REXO1: variants seen among roughly 807,000 people sequenced by gnomAD.
REXO1 encodes the protein REX1, RNA exonuclease 1 homolog.
Under a neutral mutation model 102.6 loss-of-function variants are expected in REXO1, and 42 were observed. The observed-to-expected ratio is 0.41, with a 90% CI of 0.32 to 0.53. The LOEUF (loss-of-function observed/expected upper bound fraction) is 0.53. Ranked by LOEUF, REXO1 falls within the 20% of genes least tolerant of loss-of-function variation. REXO1 has a pLI of 0.27. For synonymous variants in REXO1, 908 were observed against 779.1 expected, an observed-to-expected ratio of 1.17 and a Z score of -2.76; for missense variants, 1,819 against 1,732.5, an observed-to-expected ratio of 1.05 and a Z score of -0.89.
rs780508756 is a variant in REXO1 at position 1,817,725 on chromosome 19, G to A, written c.3072C>T (p.Val1024=). The A allele has an allele frequency of 8.7e-5, 141 of 1,612,220 alleles. No homozygotes were observed. The highest frequency in any genetic ancestry group is 1.6e-4 in the Middle Eastern group (1 of 6,068). The change falls in exon 11 of 16, where the codon GTC becomes GTT. Residue 1024 remains valine, a synonymous_variant. Transcript: ENST00000170168. ...GGCTCACCTTTGCGACTTGGCAGCCGACAGAGCCGGCGGCAGCCGAGCAGC... is the reference window on the plus strand; with the variant it reads ...GGCTCACCTTTGCGACTTGGCAGCCAACAGAGCCGGCGGCAGCCGAGCAGC... The part of the protein sequence containing the change: ...YMCCSAAAGS[V]GCQVAKQHVQ...
chr19:1,820,281 G>C lies in REXO1; in HGVS notation c.2509C>G (p.Gln837Glu), dbSNP rs372632094. The change falls in exon 6 of 16, where the codon CAG becomes GAG. Residue 837 changes from glutamine (Q) to glutamate (E), a missense_variant. Coordinates refer to ENST00000170168, the MANE Select transcript of REXO1 (RefSeq NM_020695.4). Reference sequence around the variant, plus strand: ...GACCTCACCTTCTCTATGGCCTCCTGGTTGGAGGTACAGAACTTGAGACAC... The same window carrying C: ...GACCTCACCTTCTCTATGGCCTCCTCGTTGGAGGTACAGAACTTGAGACAC... ...EECLKFCTSN[Q>E]EAIEKALNEE... 7 of 1,613,562 alleles carry C rather than the reference G, an allele frequency of 4.3e-6. No individual in the cohort carries two copies. The African/African-American group carries it at 8.0e-5, about 18-fold the overall frequency.
At chr19:1,821,130 G>A (rs1299817454) in intron 5 of REXO1, among the ~76,000 whole-genome samples, 4 of 152,022 alleles carry the variant, frequency 2.6e-5, no homozygotes, top group South Asian at 2.1e-4. Context: ...GGTGGATCAC[G>A]AGGTCAGAAG....
chr19:1,825,761 C>T, intron 3 of REXO1, 78 bp downstream of exon 3: 1 of 1,026,914 alleles, frequency 9.7e-7, no homozygotes, highest in Non-Finnish European at 1.5e-6. Flanking sequence ...CAGGCGTGAG[C>T]CACCAAACCA....
At chr19:1,842,882 C>T (rs1045702104) in intron 1 of REXO1, among the ~76,000 whole-genome samples, 2 of 152,234 alleles carry the variant, frequency 1.3e-5, no homozygotes, top group African/African-American at 2.4e-5. Context: ...CCCAGAGACC[C>T]GTGGCAACAC....
In REXO1 at chr19:1,816,416, G is replaced by C. The variant is rs779404206; in HGVS notation, c.3456+15C>G. On this transcript the variant is annotated intron_variant, in intron 14 of 15. Coordinates refer to ENST00000170168, the MANE Select transcript of REXO1 (RefSeq NM_020695.4). ...CCTGCTGGAGAACCGCGCGGGACCCGGGCCGGCAGGGCACCTTCAGGGCCA... is the reference window on the plus strand; with the variant it reads ...CCTGCTGGAGAACCGCGCGGGACCCCGGCCGGCAGGGCACCTTCAGGGCCA... 1 of 1,608,834 alleles carries C rather than the reference G, an allele frequency of 6.2e-7. No individual in the cohort carries two copies. The highest frequency in any genetic ancestry group is 8.5e-7 in the Non-Finnish European group (1 of 1,178,050).
chr19:1,816,769 G>A lies in REXO1; in HGVS notation c.3246C>T (p.Val1082=), dbSNP rs375799560. 140 of 1,612,706 alleles carry A rather than the reference G, an allele frequency of 8.7e-5. No individual in the cohort carries two copies. The highest frequency in any genetic ancestry group is 1.6e-4 in the Middle Eastern group (1 of 6,082). ...CATAAACCACGTGCACGTCCGTGTC[G>A]ACCACCGTGACGCGCGTCAGCTCCA... ...YGLELTRVTV[V]DTDVHVVYDT... is the part of the protein sequence containing the mutation. The change falls in exon 13 of 16, where the codon GTC becomes GTT. Residue 1082 remains valine (V), a synonymous_variant. Transcript: ENST00000170168.
rs1302186349 is a variant in REXO1, at chr19:1,824,959, G to A, written c.2016+880C>T. ...TGCCACCGCGCCCAGCTAATATTTT[G>A]TATCTTTAGTAGAGACGGGGTTTCA... is the stretch of plus-strand genomic sequence containing the variant. On this transcript the variant is annotated intron_variant, in intron 3 of 15. Transcript: ENST00000170168. 2.7e-5 allele frequency among the ~76,000 whole-genome samples: 4 copies of A among 150,914 alleles called. No individual in the cohort carries two copies. In the East Asian group the frequency reaches 8.1e-4, roughly 31 times the overall value.
rs776149493 is a variant in REXO1 at position 1,819,971 on chromosome 19, G to A, written c.2613C>T (p.Leu871=). ...LNVAVNTLKK[L]RGLAPSAVPG... is the part of the protein sequence containing the mutation. ...GCACAGCGCTGGGGGCCAGGCCCCT[G>A]AGCTTCTTGAGGGTGTTCACGGCCA... Residue 871 remains leucine, a synonymous_variant, in exon 7 of 16, where the codon CTC becomes CTT. Coordinates refer to ENST00000170168, the MANE Select transcript of REXO1 (RefSeq NM_020695.4). 7 of 1,592,348 alleles carry A rather than the reference G, an allele frequency of 4.4e-6. No homozygotes were observed. Among genetic ancestry groups the A allele is most frequent in the Non-Finnish European group, 6.0e-6 (7 of 1,172,764 alleles).
chr19:1,825,856 A>G lies in REXO1; in HGVS notation c.1999T>C (p.Ser667Pro), dbSNP rs763406116. 2 of 1,611,846 alleles carry G rather than the reference A, an allele frequency of 1.2e-6. No individual in the cohort carries two copies. Among genetic ancestry groups the G allele is most frequent in the Non-Finnish European group, 1.7e-6 (2 of 1,178,994 alleles). Residue 667 changes from serine (S) to proline (P), a missense_variant, in exon 3 of 16, where the codon TCC becomes CCC. Coordinates refer to ENST00000170168, the MANE Select transcript of REXO1 (RefSeq NM_020695.4). The part of the protein sequence containing the change: ...PGQKRRISHL[S>P]KQGQEVEPPR... ...GACCTTACCTCCTGGCCTTGCTTGG[A>G]AAGGTGGGAGATCCTCCTCTTCTGC...
At chr19:1,829,802 C>T (rs1266662052) in intron 1 of REXO1, among the ~76,000 whole-genome samples, 2 of 152,172 alleles carry the variant, frequency 1.3e-5, no homozygotes, top group East Asian at 1.9e-4. Context: ...GAGTGAAACC[C>T]CGTCTCAACA....
chr19:1,846,623 T>TCA (rs1254434894), intron 1 of REXO1, among the ~76,000 whole-genome samples: 1 of 152,292 alleles, frequency 6.6e-6, no homozygotes, highest in African/African-American at 2.4e-5. Context: ...GTGCAGTAGC[T>TCA]CACACCTGTA....
At position 1,825,829 on chromosome 19, in the gene REXO1, C is replaced by T. The variant is rs778620304; in HGVS notation, c.2016+10G>A. On this transcript the variant is annotated intron_variant, in intron 3 of 15. Transcript: ENST00000170168. ...AAGGCTCCTGCTGGCCTGGCCTCTG[C>T]GGACCTTACCTCCTGGCCTTGCTTG... is the stretch of plus-strand genomic sequence containing the variant. 2.4e-5 allele frequency: 38 copies of T among 1,565,084 alleles called. No individual in the cohort carries two copies. The highest frequency in any genetic ancestry group is 2.2e-4 in the Admixed American group (13 of 59,794).
intron 1 of REXO1, among the ~76,000 whole-genome samples, chr19:1,846,650 A>G (rs1009379612): frequency 2.0e-5 from 3 of 152,180 alleles, no homozygotes; most frequent in African/African-American, 2.4e-5. Flanking sequence ...GCACTTTGGG[A>G]GGCCGAAGCA....
At chr19:1,817,826 C>G in intron 10 of REXO1, 46 bp from the exon 11 acceptor site, 1 of 1,531,272 alleles carries the variant, frequency 6.5e-7, no homozygotes, top group Non-Finnish European at 9.0e-7. Context: ...CAGGCCCACT[C>G]CACAGCCCCC....
At position 1,823,723 on chromosome 19, in the gene REXO1, C is replaced by A; in HGVS notation, c.2079G>T (p.Val693=). Residue 693 remains valine (V), a synonymous_variant, in exon 4 of 16, where the codon GTG becomes GTT. Transcript: ENST00000170168. The part of the protein sequence containing the change: ...PPARPPTAQE[V]CYLRAQQAQR... The stretch of plus-strand genomic sequence containing the variant: ...GCGCCTGCTGGGCCCGCAGGTAGCA[C>A]ACCTCCTGCGCCGTCGGGGGCCGGG... 1.6e-6 allele frequency: 2 copies of A among 1,271,568 alleles called. No homozygotes were observed. Among genetic ancestry groups the A allele is most frequent in the Non-Finnish European group, 2.0e-6 (2 of 1,001,448 alleles). 78.8% of individuals were successfully genotyped at this position (1,271,568 alleles called of 1,614,324 possible). A position where few individuals can be genotyped will look rare whatever the true frequency, so the allele number is the denominator to read the frequency against.
At chr19:1,819,193 C>G (rs2069460501) in intron 7 of REXO1, 62 bp from the exon 8 acceptor site, 2 of 1,293,586 alleles carry the variant, frequency 1.5e-6, no homozygotes, top group African/African-American at 3.0e-5. Flanking sequence ...CCTGCCCCGC[C>G]TGCTCTCCCA....
chr19:1,847,060 G>T (rs886212847), intron 1 of REXO1, among the ~76,000 whole-genome samples: 43 of 152,166 alleles, frequency 2.8e-4, no homozygotes, highest in African/African-American at 9.7e-4. Flanking sequence ...CTGTCGGCAG[G>T]TCCCTGAGAG....
At position 1,816,381 on chromosome 19, in the gene REXO1, C is replaced by T. The variant is rs773010868; in HGVS notation, c.3457-36G>A. On this transcript the variant is annotated intron_variant, in intron 14 of 15. Coordinates refer to ENST00000170168, the MANE Select transcript of REXO1 (RefSeq NM_020695.4). ...CGGCAGAGATCAGCGCACGTGGGGC[C>T]TGCGCAGGTCCTGCTGGAGAACCGC... 8 of 1,596,452 alleles carry T rather than the reference C, an allele frequency of 5.0e-6. No individual in the cohort carries two copies. In the South Asian group the frequency reaches 8.9e-5, roughly 18 times the overall value.
chr19:1,842,540 C>G (rs1012521760), intron 1 of REXO1, among the ~76,000 whole-genome samples: 1 of 152,406 alleles, frequency 6.6e-6, no homozygotes, highest in East Asian at 1.9e-4. Flanking sequence ...TCGACTGGCA[C>G]GGCCCACGCC....
Sources: allele counts gnomAD v4.1 joint callset (sites outside exome capture counted in the v4.1 genomes callset), GRCh38; gene constraint gnomAD v4.1.1; transcripts MANE v1.5; gene names NCBI Gene and HGNC (gene_info 2026-07-23, HGNC 2026-07-21).